TCF4: variants seen among roughly 807,000 people sequenced by gnomAD.
TCF4 encodes transcription factor 4, also known as SL3-3 enhancer factor 2.
In TCF4, 3 loss-of-function variants were observed where a neutral mutation model predicts 82.1. The observed-to-expected ratio is 0.04, with a 90% confidence interval of 0.02 to 0.09. The LOEUF is 0.09. TCF4 is among the 10% of genes least tolerant of loss of function. The pLI, the probability that TCF4 is intolerant of heterozygous loss-of-function variation, is 1.00. For synonymous variants in TCF4, 276 were observed against 309.6 expected, an observed-to-expected ratio of 0.89 and a Z score of 1.14; for missense variants, 518 against 852.7, an observed-to-expected ratio of 0.61 and a Z score of 4.89.
intron 8 of TCF4, among the ~76,000 whole-genome samples, chr18:55,303,240 C>CACACACACACACACACCCCT (rs1555851871): frequency 2.0e-4 from 30 of 150,246 alleles, no homozygotes; most frequent in African/African-American, 7.4e-4. Flanking sequence ...CACACACACA[C>CACACACACACACACACCCCT]ACACACACAC....
chr18:55,444,113 A>C (rs1250481868), intron 5 of TCF4, among the ~76,000 whole-genome samples: 2 of 152,248 alleles, frequency 1.3e-5, no homozygotes, highest in Non-Finnish European at 1.5e-5. Context: ...GAATTATTGC[A>C]CATTTGCAGA....
At chr18:55,558,577 AC>A (rs2097325857) in intron 3 of TCF4, among the ~76,000 whole-genome samples, 2 of 152,200 alleles carry the variant, frequency 1.3e-5, no homozygotes, top group Non-Finnish European at 2.9e-5. Flanking sequence ...AAAATTAACA[AC>A]ACTAGAGTCA....
chr18:55,410,367 T>C (rs2094294922), intron 5 of TCF4, among the ~76,000 whole-genome samples: 1 of 152,144 alleles, frequency 6.6e-6, no homozygotes, highest in Non-Finnish European at 1.5e-5. Flanking sequence ...AAACCCCAGA[T>C]AGTATCTTAA....
Position 55,229,082 on chromosome 18 carries a change from G to T in TCF4, c.1650-6C>A. On this transcript the variant is annotated splice_polypyrimidine_tract_variant and splice_region_variant and intron_variant, in intron 17 of 19. Coordinates refer to ENST00000354452, the MANE Select transcript of TCF4 (RefSeq NM_001083962.2). ...GGTCCTCATCGTCATTATTGCTGTG[G>T]GACAAAAGGGATGCAACATTTTCTA... The T allele has an allele frequency of 6.2e-7, 1 of 1,613,710 alleles. No homozygotes were observed. The highest frequency in any genetic ancestry group is 8.5e-7 in the Non-Finnish European group (1 of 1,179,830).
intron 1 of TCF4, among the ~76,000 whole-genome samples, chr18:55,587,523 G>T (rs2097662145): frequency 2.0e-5 from 3 of 150,722 alleles, no homozygotes; most frequent in East Asian, 2.0e-4. Context: ...AGAGAAAAGA[G>T]AAACTACTGA....
chr18:55,459,878 G>C (rs2095840965), intron 5 of TCF4, among the ~76,000 whole-genome samples: 1 of 152,150 alleles, frequency 6.6e-6, no homozygotes, highest in African/African-American at 2.4e-5. Flanking sequence ...AAGTTGGTAA[G>C]ATACTCAAAG....
intron 3 of TCF4, among the ~76,000 whole-genome samples, chr18:55,513,498 T>C (rs767451468): frequency 1.3e-5 from 2 of 151,798 alleles, no homozygotes; most frequent in Non-Finnish European, 2.9e-5. Flanking sequence ...GAGTGTAGTT[T>C]TCCTAACCAA....
intron 3 of TCF4, among the ~76,000 whole-genome samples, chr18:55,570,718 C>T (rs2097455937): frequency 6.6e-6 from 1 of 151,668 alleles, no homozygotes; most frequent in Non-Finnish European, 1.5e-5. Context: ...CCCTTCTCTA[C>T]AAAAAATACA....
At chr18:55,590,350 C>G (rs890733858), upstream of TCF4, among the ~76,000 whole-genome samples, 1 of 152,348 alleles carries the variant, frequency 6.6e-6, no homozygotes, top group Admixed American at 6.5e-5. Context: ...CCAACTCCCC[C>G]ACCCTATCTT....
intron 8 of TCF4, among the ~76,000 whole-genome samples, chr18:55,290,071 C>A (rs1220868871): frequency 6.6e-6 from 1 of 152,100 alleles, no homozygotes; most frequent in African/African-American, 2.4e-5. Context: ...TTGGTTCTGC[C>A]AAAATATATT....
intron 2 of TCF4, among the ~76,000 whole-genome samples, chr18:55,610,639 A>G (rs2147962834): frequency 6.6e-6 from 1 of 152,304 alleles, no homozygotes; most frequent in South Asian, 2.1e-4. Flanking sequence ...GATGTTATAT[A>G]TTAACTACTT....
intron 6 of TCF4, chr18:55,351,896 T>A: frequency 1.2e-6 from 1 of 865,276 alleles, no homozygotes; most frequent in Non-Finnish European, 1.4e-6. Flanking sequence ...CCATTTATAT[T>A]AAGAACAAAT....
rs1568465739 is a variant in TCF4 at position 55,586,161 on chromosome 18, GCA to G, written c.73-811_73-810del. 1.7e-4 allele frequency: 43 copies of G among 247,448 alleles called. 1 individual carries two copies. The highest frequency in any genetic ancestry group is 4.0e-4 in the South Asian group (8 of 19,808). 15.3% of individuals were successfully genotyped at this position (247,448 alleles called of 1,614,324 possible). A position where few individuals can be genotyped will look rare whatever the true frequency, so the allele number is the denominator to read the frequency against. On this transcript the variant is annotated intron_variant, in intron 2 of 19. Coordinates refer to ENST00000354452, the MANE Select transcript of TCF4 (RefSeq NM_001083962.2). ...AGGAGGAGGAGGAGGAGGAGCAGCA[GCA>G]GCAGCAGCAGCAGCAGCAGCAGCAG... is the stretch of plus-strand genomic sequence containing the variant.
intron 3 of TCF4, among the ~76,000 whole-genome samples, chr18:55,548,222 G>C (rs2097223197): frequency 6.6e-6 from 1 of 152,212 alleles, no homozygotes; most frequent in Non-Finnish European, 1.5e-5. Flanking sequence ...TGACAATTCT[G>C]AAAGGGAATC....
chr18:55,604,413 G>C (rs762572339), intron 2 of TCF4, among the ~76,000 whole-genome samples: 1 of 152,046 alleles, frequency 6.6e-6, no homozygotes, highest in African/African-American at 2.4e-5. Context: ...GGGGTGAGAT[G>C]GGCCTTGCTG....
chr18:55,476,014 C>T (rs966045933), intron 3 of TCF4, among the ~76,000 whole-genome samples: 7 of 152,118 alleles, frequency 4.6e-5, no homozygotes, highest in African/African-American at 1.7e-4. Context: ...GCCATGCTAT[C>T]CTAACAGGCT....
intron 3 of TCF4, among the ~76,000 whole-genome samples, chr18:55,536,312 T>C (rs1055815591): frequency 6.6e-6 from 1 of 152,188 alleles, no homozygotes; most frequent in Admixed American, 6.5e-5. Flanking sequence ...ATTCCTCCAA[T>C]AGTCAAACGT....
intron 9 of TCF4, among the ~76,000 whole-genome samples, chr18:55,277,545 G>T (rs2061683560): frequency 6.7e-6 from 1 of 150,074 alleles, no homozygotes; most frequent in Non-Finnish European, 1.5e-5. Context: ...TCTTTTGAAA[G>T]AAAGAATAGA....
At chr18:55,417,862 A>T (rs2094575545) in intron 5 of TCF4, among the ~76,000 whole-genome samples, 1 of 152,172 alleles carries the variant, frequency 6.6e-6, no homozygotes, top group African/African-American at 2.4e-5. Context: ...AAATGTTTTT[A>T]TTTCTCCCAA....
Sources: gnomAD v4.1 joint callset for allele counts (sites outside exome capture counted in the v4.1 genomes callset) on GRCh38, gnomAD v4.1.1 for gene constraint, MANE v1.5 for transcripts, NCBI Gene and HGNC (gene_info 2026-07-23, HGNC 2026-07-21) for gene names.